Variants in RABGAP1L observed in about 807,000 individuals in gnomAD.
The protein encoded by RABGAP1L is RAB GTPase activating protein 1 like.
RABGAP1L carries 63 observed loss-of-function variants against 137.7 expected under a neutral mutation model. That is an observed-to-expected ratio of 0.46 (90% CI 0.37 to 0.56). RABGAP1L has a LOEUF of 0.56. RABGAP1L is among the 20% of genes least tolerant of loss of function. RABGAP1L has a pLI of 0.00. For synonymous variants in RABGAP1L, 431 were observed against 433.7 expected, an observed-to-expected ratio of 0.99 and a Z score of 0.08; for missense variants, 1,095 against 1,244.0, an observed-to-expected ratio of 0.88 and a Z score of 1.80.
intron 19 of RABGAP1L, among the ~76,000 whole-genome samples, chr1:174,927,189 T>C (rs1662988876): frequency 6.6e-6 from 1 of 152,176 alleles, no homozygotes; most frequent in African/African-American, 2.4e-5. Flanking sequence ...TAGGTTCAGA[T>C]TGATCATTTA....
chr1:174,854,566 A>G (rs1388185212), intron 19 of RABGAP1L, among the ~76,000 whole-genome samples: 2 of 151,966 alleles, frequency 1.3e-5, no homozygotes, highest in Admixed American at 6.6e-5. Flanking sequence ...AGTATTTTCC[A>G]TTACCTAGTT....
At chr1:174,382,440 A>T (rs1285604748) in intron 12 of RABGAP1L, among the ~76,000 whole-genome samples, 1 of 44,736 alleles carries the variant, frequency 2.2e-5, no homozygotes, top group Non-Finnish European at 4.2e-5. Context: ...TCAGACGTAG[A>T]TTTGGTCTTT....
chr1:174,667,616 A>G (rs903384634), intron 14 of RABGAP1L, among the ~76,000 whole-genome samples: 3 of 152,188 alleles, frequency 2.0e-5, no homozygotes, highest in Non-Finnish European at 2.9e-5. Context: ...AATAATTTCT[A>G]TAGTCTTCCT....
chr1:174,854,227 T>C (rs991390707), intron 19 of RABGAP1L, among the ~76,000 whole-genome samples: 1 of 152,188 alleles, frequency 6.6e-6, no homozygotes, highest in Non-Finnish European at 1.5e-5. Context: ...CTCAGATTTG[T>C]CACAGTAATA....
chr1:174,316,472 G>A (rs1423415748), intron 11 of RABGAP1L, among the ~76,000 whole-genome samples: 2 of 152,210 alleles, frequency 1.3e-5, no homozygotes, highest in African/African-American at 4.8e-5. Flanking sequence ...CAGTAATGCT[G>A]TGGTTCTTGC....
At chr1:174,536,651 AG>A (rs1361743435) in intron 13 of RABGAP1L, among the ~76,000 whole-genome samples, 8 of 152,174 alleles carry the variant, frequency 5.3e-5, no homozygotes, top group Non-Finnish European at 8.8e-5. Context: ...ACTGATTAGA[AG>A]GGAAAACCCA....
intron 10 of RABGAP1L, among the ~76,000 whole-genome samples, chr1:174,283,308 A>T (rs1438572700): frequency 6.6e-6 from 1 of 151,812 alleles, no homozygotes; most frequent in Non-Finnish European, 1.5e-5. Context: ...CAGGAGGCTG[A>T]GGTGGGAGGA....
chr1:174,856,397 T>TAAAAAAAAAAAAA (rs150232187), intron 19 of RABGAP1L, among the ~76,000 whole-genome samples: 1 of 115,220 alleles, frequency 8.7e-6, no homozygotes, highest in African/African-American at 2.7e-5. Context: ...TCCCTCTCAA[T>TAAAAAAAAAAAAA]AAAAAAAAAA....
At chr1:174,541,771 G>A (rs1331900998) in intron 13 of RABGAP1L, among the ~76,000 whole-genome samples, 12 of 150,724 alleles carry the variant, frequency 8.0e-5, no homozygotes, top group African/African-American at 1.5e-4. Flanking sequence ...ACGAGACTCC[G>A]TCTCAAAAAA....
chr1:174,282,380 T>C (rs1021361019), intron 10 of RABGAP1L, among the ~76,000 whole-genome samples: 1 of 152,206 alleles, frequency 6.6e-6, no homozygotes, highest in African/African-American at 2.4e-5. Context: ...ACATTTCACA[T>C]TGAGTAATGA....
At chr1:174,804,609 G>C (rs933138651) in intron 18 of RABGAP1L, among the ~76,000 whole-genome samples, 1 of 152,036 alleles carries the variant, frequency 6.6e-6, no homozygotes, top group Non-Finnish European at 1.5e-5. Flanking sequence ...CACCGTGCCC[G>C]GCCTCCCTCG....
intron 13 of RABGAP1L, among the ~76,000 whole-genome samples, chr1:174,634,326 A>G (rs377168501): frequency 0.012 from 1,291 of 105,022 alleles, 7 homozygotes; most frequent in South Asian, 0.02. Flanking sequence ...AATCAAAACC[A>G]CTATGAGATA....
intron 15 of RABGAP1L, among the ~76,000 whole-genome samples, chr1:174,698,967 A>T (rs1223297896): frequency 2.0e-5 from 3 of 151,688 alleles, no homozygotes; most frequent in African/African-American, 2.4e-5. Context: ...TTTTACCTTT[A>T]GATCTTTTTA....
At chr1:174,722,447 G>A (rs372641194) in intron 17 of RABGAP1L, among the ~76,000 whole-genome samples, 6 of 151,242 alleles carry the variant, frequency 4.0e-5, no homozygotes, top group South Asian at 2.1e-4. Context: ...CTTTTTTATC[G>A]CAAGCTTCTT....
chr1:174,964,660 C>G, intron 20 of RABGAP1L: 1 of 467,594 alleles, frequency 2.1e-6, no homozygotes, highest in Non-Finnish European at 3.3e-6. Flanking sequence ...TTAATAGTCC[C>G]ACATACAGCA....
chr1:174,300,525 A>T (rs1677579833), intron 10 of RABGAP1L, among the ~76,000 whole-genome samples: 1 of 106,062 alleles, frequency 9.4e-6, no homozygotes, highest in Admixed American at 9.0e-5. Flanking sequence ...GTGAAACTCC[A>T]TCTCAAAAAA....
At chr1:174,661,707 T>A (rs1262778294) in intron 14 of RABGAP1L, among the ~76,000 whole-genome samples, 1 of 152,212 alleles carries the variant, frequency 6.6e-6, no homozygotes, top group Non-Finnish European at 1.5e-5. Flanking sequence ...TAGTAAGATA[T>A]ACCATTATGC....
chr1:174,724,597 C>G (rs1397700071), intron 17 of RABGAP1L, among the ~76,000 whole-genome samples: 1 of 152,140 alleles, frequency 6.6e-6, no homozygotes, highest in Non-Finnish European at 1.5e-5. Flanking sequence ...TTTATTCATT[C>G]AATTATTCAT....
intron 13 of RABGAP1L, among the ~76,000 whole-genome samples, chr1:174,460,797 C>T (rs1656600723): frequency 6.6e-6 from 1 of 151,624 alleles, no homozygotes; most frequent in Admixed American, 6.6e-5. Flanking sequence ...TTGTTTAGTT[C>T]TTTGCAATTT....
Sources: gnomAD v4.1 joint callset for allele counts (sites outside exome capture counted in the v4.1 genomes callset) on GRCh38, gnomAD v4.1.1 for gene constraint, MANE v1.5 for transcripts, NCBI Gene and HGNC (gene_info 2026-07-23, HGNC 2026-07-21) for gene names.